The following RRM2 variants were observed in gnomAD, a reference collection of about 807,000 sequenced individuals.
The protein encoded by RRM2 is ribonucleotide reductase regulatory subunit M2.
Under a neutral mutation model 45.9 loss-of-function variants are expected in RRM2, and 6 were observed. That is an observed-to-expected ratio of 0.13 (90% CI 0.07 to 0.26). The LOEUF is 0.26. Ranked by LOEUF, RRM2 falls within the 10% of genes least tolerant of loss-of-function variation. RRM2 has a pLI of 1.00. For synonymous variants in RRM2, 177 were observed against 173.0 expected, an observed-to-expected ratio of 1.02 and a Z score of -0.18; for missense variants, 343 against 489.5, an observed-to-expected ratio of 0.70 and a Z score of 2.82.
intron 3 of RRM2, among the ~76,000 whole-genome samples, chr2:10,176,944 C>T (rs988489771): frequency 2.6e-5 from 4 of 152,112 alleles, no homozygotes; most frequent in African/African-American, 9.7e-5. Context: ...ATTTTGATGT[C>T]TTTAAAATAG....
At chr2:10,194,153 T>C (rs1664365607) in intron 3 of RRM2, among the ~76,000 whole-genome samples, 1 of 152,186 alleles carries the variant, frequency 6.6e-6, no homozygotes, top group African/African-American at 2.4e-5. Context: ...TTTTACTTGG[T>C]ATTAGAACCG....
chr2:10,169,240 A>G lies in RRM2; in HGVS notation n.482+26865A>G, dbSNP rs889430203. Reference sequence around the variant, plus strand: ...CAATCCTCCTGCCTCAGCCTCCCACAGTGCTGGGATTACAGGTGTGCGCCA... The same window carrying G: ...CAATCCTCCTGCCTCAGCCTCCCACGGTGCTGGGATTACAGGTGTGCGCCA... On this transcript the variant is annotated intron_variant and non_coding_transcript_variant, in intron 3 of 3. Transcript: ENST00000381786. The surrounding 1 kb of genome is among the most constrained non-coding windows in gnomAD (Gnocchi z 5.1). 6.0e-5 allele frequency among the ~76,000 whole-genome samples: 9 copies of G among 151,066 alleles called. No homozygotes were observed. Among genetic ancestry groups the G allele is most frequent in the Non-Finnish European group, 1.2e-4 (8 of 67,898 alleles).
At chr2:10,123,152 C>T (rs1335834350) in intron 2 of RRM2, 95 bp downstream of exon 2, 1 of 1,398,600 alleles carries the variant, frequency 7.2e-7, no homozygotes, top group African/African-American at 1.4e-5. Flanking sequence ...CACTCCCGCC[C>T]CGGCTCCTTT....
rs1664071623 is a variant in RRM2 at position 10,182,092 on chromosome 2, T to G, written n.483-28219T>G. On this transcript the variant is annotated intron_variant and non_coding_transcript_variant, in intron 3 of 3. Transcript: ENST00000381786. The stretch of plus-strand genomic sequence containing the variant: ...TTTTTATGATACTCTTTTCTGACAT[T>G]GAGCAAATCATTTTCATGTCTGTCC... 2.0e-5 allele frequency among the ~76,000 whole-genome samples: 3 copies of G among 152,178 alleles called. No individual in the cohort carries two copies. In the South Asian group the frequency reaches 6.2e-4, roughly 32 times the overall value.
At chr2:10,198,065 A>G (rs1209285381) in intron 3 of RRM2, among the ~76,000 whole-genome samples, 5 of 152,158 alleles carry the variant, frequency 3.3e-5, no homozygotes, top group Non-Finnish European at 7.3e-5. Context: ...AAGGCGGAGG[A>G]AACCCTCTTC....
chr2:10,180,577 C>A (rs1664025114), intron 3 of RRM2, among the ~76,000 whole-genome samples: 1 of 152,118 alleles, frequency 6.6e-6, no homozygotes, highest in Admixed American at 6.5e-5. Context: ...TCTGGATGAA[C>A]CTCAGGCCTC....
intron 3 of RRM2, among the ~76,000 whole-genome samples, chr2:10,147,620 A>G (rs1328006451): frequency 6.6e-6 from 1 of 152,186 alleles, no homozygotes; most frequent in Admixed American, 6.5e-5. Flanking sequence ...TGGCCTTCCA[A>G]AATGTTGAGA....
At position 10,123,535 on chromosome 2, in the gene RRM2, T is replaced by C; in HGVS notation, c.318+5T>C. ...TCCTTTTGGACCGCCGAGGAGGTAATCGGAGGACCCCAGAAGACCCCTGCA... is the reference window on the plus strand; with the variant it reads ...TCCTTTTGGACCGCCGAGGAGGTAACCGGAGGACCCCAGAAGACCCCTGCA... On this transcript the variant is annotated splice_donor_5th_base_variant and intron_variant, in intron 3 of 9. Coordinates refer to ENST00000304567, the MANE Select transcript of RRM2 (RefSeq NM_001034.4). 6.2e-7 allele frequency: 1 copy of C among 1,610,736 alleles called. No homozygotes were observed. Among genetic ancestry groups the C allele is most frequent in the South Asian group, 1.1e-5 (1 of 90,904 alleles).
At chr2:10,192,753 C>G (rs958685603) in intron 3 of RRM2, 3 of 153,166 alleles carry the variant, frequency 2.0e-5, no homozygotes, top group African/African-American at 4.8e-5. Context: ...CCACTCCACC[C>G]CCCCCTGCTG....
rs540659543 is a variant in RRM2, at chr2:10,198,922, T to C, written n.483-11389T>C. 5 of 152,240 alleles carry C rather than the reference T, an allele frequency of 3.3e-5. No individual in the cohort carries two copies. In the South Asian group the frequency reaches 1.0e-3, roughly 32 times the overall value. 9.4% of individuals were successfully genotyped at this position (152,240 alleles called of 1,614,324 possible). A position where few individuals can be genotyped will look rare whatever the true frequency, so the allele number is the denominator to read the frequency against. On this transcript the variant is annotated intron_variant and non_coding_transcript_variant, in intron 3 of 3. Coordinates refer to the RRM2 transcript ENST00000381786. ...CTGATTGGAGGTGTCATTTGTGGTT[T>C]ATGGTCATGCTGACAGCCATTAGGC... is the stretch of plus-strand genomic sequence containing the variant.
At position 10,151,014 on chromosome 2, in the gene RRM2, C is replaced by T. The variant is rs545749881; in HGVS notation, n.482+8639C>T. 4.6e-5 allele frequency among the ~76,000 whole-genome samples: 7 copies of T among 152,068 alleles called. No homozygotes were observed. The South Asian group carries it at 1.5e-3, about 32-fold the overall frequency. ...ATTTTTAGTAGAGATGGGGTTTCAC[C>T]ATGTTGGCCAGGCTGGTCTCAAACC... is the stretch of plus-strand genomic sequence containing the variant. On this transcript the variant is annotated intron_variant and non_coding_transcript_variant, in intron 3 of 3. Coordinates refer to the RRM2 transcript ENST00000381786.
intron 3 of RRM2, among the ~76,000 whole-genome samples, chr2:10,165,132 G>T (rs1033249943): frequency 6.6e-6 from 1 of 152,212 alleles, no homozygotes; most frequent in Non-Finnish European, 1.5e-5. Flanking sequence ...TTTATATTTT[G>T]TAGAGACGTG....
rs1412223767 is a variant in RRM2, at chr2:10,177,710, T to TCCCTCC, written n.483-32600_483-32599insCCTCCC. 1.7e-3 allele frequency among the ~76,000 whole-genome samples: 203 copies of TCCCTCC among 116,572 alleles called. 3 individuals carry two copies. Among genetic ancestry groups the TCCCTCC allele is most frequent in the African/African-American group, 6.3e-3 (196 of 31,178 alleles). The allele number at this position is 116,572 out of a possible 152,430, so 76.5% of individuals were successfully genotyped here. On this transcript the variant is annotated intron_variant and non_coding_transcript_variant, in intron 3 of 3. Coordinates refer to the RRM2 transcript ENST00000381786. Reference sequence around the variant, plus strand: ...TCCTTCCTTCCTTCCTTCCTTCCTCTCTCCCTCCCTCCCTCCCTCTCTCTC... The same window carrying TCCCTCC: ...TCCTTCCTTCCTTCCTTCCTTCCTCTCCCTCCCTCCCTCCCTCCCTCCCTCTCTCTC...
intron 3 of RRM2, among the ~76,000 whole-genome samples, chr2:10,208,443 C>A (rs1186500815): frequency 1.3e-5 from 2 of 152,186 alleles, no homozygotes; most frequent in Non-Finnish European, 1.5e-5. Flanking sequence ...AGGCATCAAA[C>A]ATTTGGATCG....
intron 3 of RRM2, chr2:10,192,660 C>A (rs1040770278): frequency 3.9e-5 from 6 of 154,414 alleles, no homozygotes; most frequent in African/African-American, 1.4e-4. Flanking sequence ...CTGGGAGGAA[C>A]CCACTTCCAC....
At chr2:10,196,226 C>T (rs1435289890) in intron 3 of RRM2, among the ~76,000 whole-genome samples, 9 of 152,140 alleles carry the variant, frequency 5.9e-5, no homozygotes, top group East Asian at 5.8e-4. Flanking sequence ...AGACAGAAGG[C>T]GCGGGGAGCA....
chr2:10,157,888 G>A (rs1353932097), intron 3 of RRM2, among the ~76,000 whole-genome samples: 3 of 152,160 alleles, frequency 2.0e-5, no homozygotes, highest in African/African-American at 4.8e-5. Context: ...CTTCCATGGC[G>A]TAACCTAGTA....
chr2:10,182,875 C>T (rs868636696), intron 3 of RRM2, among the ~76,000 whole-genome samples: 2 of 152,272 alleles, frequency 1.3e-5, no homozygotes, highest in African/African-American at 4.8e-5. Flanking sequence ...CAAACGCAGA[C>T]TCTTTTAAAA....
intron 3 of RRM2, among the ~76,000 whole-genome samples, chr2:10,166,859 GTCTC>G (rs1663693471): frequency 6.6e-6 from 1 of 152,320 alleles, no homozygotes; most frequent in African/African-American, 2.4e-5. Flanking sequence ...TTTGCTCATG[GTCTC>G]TCTCTCAGAG....
Sources: allele counts gnomAD v4.1 joint callset (sites outside exome capture counted in the v4.1 genomes callset), GRCh38; gene constraint gnomAD v4.1.1; non-coding constraint Gnocchi (gnomAD v3.1); transcripts MANE v1.5; gene names NCBI Gene and HGNC (gene_info 2026-07-23, HGNC 2026-07-21).